Variants in LHFPL2 observed in about 807,000 individuals in gnomAD.
The protein encoded by LHFPL2 is LHFPL tetraspan subfamily member 2 protein.
In LHFPL2, 7 loss-of-function variants were observed where a neutral mutation model predicts 17.5. The ratio of observed to expected loss-of-function variants is 0.40; its 90% confidence interval spans 0.23 to 0.75. The LOEUF is 0.75. Among genes scored for constraint, LHFPL2 ranks in the 30% least tolerant of loss-of-function variants. The probability of loss-of-function intolerance (pLI) is 0.37; values close to 1 mark genes in which losing one functional copy is unlikely to be tolerated. For missense variants in LHFPL2, 241 were observed against 294.8 expected, an observed-to-expected ratio of 0.82 and a Z score of 1.34; for synonymous variants, 134 against 116.2, an observed-to-expected ratio of 1.15 and a Z score of -0.99.
chr5:78,505,053 A>G (rs1327602288), intron 4 of LHFPL2, among the ~76,000 whole-genome samples: 2 of 152,248 alleles, frequency 1.3e-5, no homozygotes, highest in African/African-American at 2.4e-5. Flanking sequence ...TCCTGAGCTC[A>G]GTTTAATGGC....
At chr5:78,561,041 T>A (rs1580808517) in intron 3 of LHFPL2, among the ~76,000 whole-genome samples, 4 of 152,290 alleles carry the variant, frequency 2.6e-5, no homozygotes, top group Admixed American at 2.6e-4. Context: ...AGCATAAAAA[T>A]TATTAATGGA....
intron 3 of LHFPL2, among the ~76,000 whole-genome samples, chr5:78,521,942 G>A (rs186137876): frequency 1.5e-4 from 23 of 152,206 alleles, no homozygotes; most frequent in East Asian, 1.4e-3. Flanking sequence ...GTGCAGATAC[G>A]ACCCCTACTC....
rs1166075459 is a variant in LHFPL2 at position 78,485,634 on chromosome 5, G to A, written c.*3263C>T. The A allele has an allele frequency of 1.3e-5, 2 of 152,736 alleles. No individual in the cohort carries two copies. The highest frequency in any genetic ancestry group is 3.9e-4 in the East Asian group (2 of 5,186). The allele number at this position is 152,736 out of a possible 1,614,324, so 9.5% of individuals were successfully genotyped here. Reference sequence around the variant, plus strand: ...GTCTGTTCTAAGCCAGACTCTTACAGCTAAGGAGGTGTGAGATTAGCCCTT... The same window carrying A: ...GTCTGTTCTAAGCCAGACTCTTACAACTAAGGAGGTGTGAGATTAGCCCTT... On this transcript the variant is annotated 3_prime_UTR_variant, in exon 5 of 5. Transcript: ENST00000380345.
rs761345891 is a variant in LHFPL2 at position 78,509,896 on chromosome 5, C to T, written c.318G>A (p.Val106=). ...CCACCATGCAGAGAATAAAGATTCCCACAGCCAGGAAAATAGCTGTGGCCT... is the reference window on the plus strand; with the variant it reads ...CCACCATGCAGAGAATAAAGATTCCTACAGCCAGGAAAATAGCTGTGGCCT... ...FWQATAIFLA[V]GIFILCMVAL... Residue 106 remains valine (V), a synonymous_variant, in exon 4 of 5, where the codon GTG becomes GTA. Coordinates refer to ENST00000380345, the MANE Select transcript of LHFPL2 (RefSeq NM_005779.3). 4 of 1,613,688 alleles carry T rather than the reference C, an allele frequency of 2.5e-6. No homozygotes were observed. The highest frequency in any genetic ancestry group is 3.4e-6 in the Non-Finnish European group (4 of 1,180,046).
intron 2 of LHFPL2, among the ~76,000 whole-genome samples, chr5:78,631,822 G>T (rs185741251): frequency 3.9e-4 from 59 of 151,994 alleles, no homozygotes; most frequent in African/African-American, 1.4e-3. Context: ...TGTAGTCCCA[G>T]CTACTCAGGA....
At chr5:78,519,280 G>T (rs935458384) in intron 3 of LHFPL2, among the ~76,000 whole-genome samples, 8 of 152,176 alleles carry the variant, frequency 5.3e-5, no homozygotes, top group African/African-American at 1.9e-4. Context: ...TCTTTGAGGT[G>T]GTTAGGACAG....
chr5:78,513,286 A>G (rs142718413), intron 3 of LHFPL2, among the ~76,000 whole-genome samples: 11 of 152,350 alleles, frequency 7.2e-5, no homozygotes, highest in African/African-American at 2.4e-4. Context: ...AATGCCTGAG[A>G]ACAATTTGAA....
chr5:78,516,997 C>T (rs996623906), intron 3 of LHFPL2, among the ~76,000 whole-genome samples: 1 of 152,252 alleles, frequency 6.6e-6, no homozygotes, highest in Non-Finnish European at 1.5e-5. Flanking sequence ...GTTGGCCACA[C>T]AGGCTTCTGC....
At chr5:78,633,233 T>G (rs1335457794) in intron 1 of LHFPL2, among the ~76,000 whole-genome samples, 1 of 152,122 alleles carries the variant, frequency 6.6e-6, no homozygotes. Flanking sequence ...ACCCTCATGG[T>G]CAGAAGTGAA....
At chr5:78,535,829 A>C (rs1270350677) in intron 3 of LHFPL2, among the ~76,000 whole-genome samples, 1 of 152,194 alleles carries the variant, frequency 6.6e-6, no homozygotes, top group African/African-American at 2.4e-5. Flanking sequence ...TCACATGACA[A>C]CAGGTGCCGG....
intron 2 of LHFPL2, among the ~76,000 whole-genome samples, chr5:78,631,561 A>T (rs73150025): frequency 0.013 from 2,041 of 152,382 alleles, 55 homozygotes; most frequent in African/African-American, 0.047. Context: ...GTGTGAGCAC[A>T]GAGAAGTGGC....
intron 1 of LHFPL2, among the ~76,000 whole-genome samples, chr5:78,647,817 T>G (rs1745937718): frequency 6.6e-6 from 1 of 150,666 alleles, no homozygotes; most frequent in South Asian, 2.1e-4. Context: ...GGCCGCTGAA[T>G]GGAAGGGAAA....
chr5:78,533,691 T>C (rs925687660), intron 3 of LHFPL2, among the ~76,000 whole-genome samples: 2 of 120,738 alleles, frequency 1.7e-5, no homozygotes, highest in Admixed American at 7.7e-5. Flanking sequence ...ATAAGCCATG[T>C]GCCAAAACCT....
chr5:78,535,247 C>T (rs1348611418), intron 3 of LHFPL2, among the ~76,000 whole-genome samples: 1 of 152,128 alleles, frequency 6.6e-6, no homozygotes, highest in Admixed American at 6.5e-5. Context: ...TGGCACTACG[C>T]TGAGCGCCCA....
At chr5:78,580,479 G>C (rs1002588130) in intron 2 of LHFPL2, among the ~76,000 whole-genome samples, 33 of 149,612 alleles carry the variant, frequency 2.2e-4, no homozygotes, top group Non-Finnish European at 3.0e-5. Flanking sequence ...ACGGTTTTAG[G>C]TCTAACGTTT....
intron 3 of LHFPL2, among the ~76,000 whole-genome samples, chr5:78,557,035 T>G (rs1259884322): frequency 6.6e-6 from 1 of 152,124 alleles, no homozygotes; most frequent in Non-Finnish European, 1.5e-5. Context: ...TGTAGACATG[T>G]GTCTGGCAAT....
intron 3 of LHFPL2, among the ~76,000 whole-genome samples, chr5:78,538,035 A>G (rs1756001964): frequency 6.6e-6 from 1 of 152,160 alleles, no homozygotes; most frequent in Non-Finnish European, 1.5e-5. Flanking sequence ...TCCCCCACTC[A>G]GCCTAGAGGC....
At chr5:78,568,706 A>T (rs2112421988) in intron 2 of LHFPL2, among the ~76,000 whole-genome samples, 2 of 152,312 alleles carry the variant, frequency 1.3e-5, no homozygotes, top group South Asian at 4.1e-4. Flanking sequence ...GTTAAGAAAC[A>T]GTAAGTCAGG....
chr5:78,629,066 TAACATTAA>T (rs952151460), intron 2 of LHFPL2, among the ~76,000 whole-genome samples: 2 of 152,180 alleles, frequency 1.3e-5, no homozygotes, highest in African/African-American at 4.8e-5. Flanking sequence ...ATTTACTCTT[TAACATTAA>T]AAAAGATGGA....
Sources: gnomAD v4.1 joint callset for allele counts (sites outside exome capture counted in the v4.1 genomes callset) on GRCh38, gnomAD v4.1.1 for gene constraint, MANE v1.5 for transcripts, NCBI Gene and HGNC (gene_info 2026-07-23, HGNC 2026-07-21) for gene names.